The following SPDYA variants were observed in gnomAD, a reference collection of about 807,000 sequenced individuals.
The protein encoded by SPDYA is speedy/RINGO cell cycle regulator family member A, also known as speedy protein A.
A neutral mutation model predicts 36.7 loss-of-function variants in SPDYA; 11 were observed. The ratio of observed to expected loss-of-function variants is 0.30; its 90% CI spans 0.19 to 0.50. The LOEUF is 0.50. Among genes scored for constraint, SPDYA ranks in the 20% least tolerant of loss-of-function variants. The probability of loss-of-function intolerance (pLI) is 0.98; values close to 1 mark genes in which losing one functional copy is unlikely to be tolerated. For synonymous variants in SPDYA, 115 were observed against 118.7 expected, an observed-to-expected ratio of 0.97 and a Z score of 0.20; for missense variants, 287 against 370.9, an observed-to-expected ratio of 0.77 and a Z score of 1.86.
chr2:28,837,487 C>T (rs1411798177), intron 6 of SPDYA, among the ~76,000 whole-genome samples: 1 of 152,144 alleles, frequency 6.6e-6, no homozygotes, highest in Non-Finnish European at 1.5e-5. Flanking sequence ...TGGTAAAAGT[C>T]ATTACGTATA....
intron 4 of SPDYA, 22 bp downstream of exon 4, chr2:28,819,128 C>T: frequency 2.6e-6 from 4 of 1,563,922 alleles, no homozygotes; most frequent in Non-Finnish European, 3.5e-6. Flanking sequence ...AACAGTATAA[C>T]AATTAACCAG....
intron 1 of SPDYA, among the ~76,000 whole-genome samples, chr2:28,812,988 C>T (rs1168154465): frequency 6.6e-6 from 1 of 151,714 alleles, no homozygotes; most frequent in Non-Finnish European, 1.5e-5. Context: ...CGTTCCTTTC[C>T]TCTTGCTTGC....
At chr2:28,833,460 G>A (rs764936140) in intron 6 of SPDYA, among the ~76,000 whole-genome samples, 5 of 152,062 alleles carry the variant, frequency 3.3e-5, no homozygotes, top group Non-Finnish European at 5.9e-5. Flanking sequence ...TCCTAACTAC[G>A]TTCAGGATTC....
In SPDYA at chr2:28,849,819, AATTT is replaced by A. The variant is rs772404606; in HGVS notation, c.851-28_851-25del. The A allele has an allele frequency of 3.4e-5, 45 of 1,318,688 alleles. No homozygotes were observed. The South Asian group carries it at 4.0e-4, about 12-fold the overall frequency. The allele number at this position is 1,318,688 out of a possible 1,614,324, so 81.7% of individuals were successfully genotyped here. A position where few individuals can be genotyped will look rare whatever the true frequency, so the allele number is the denominator to read the frequency against. ...GTATTTAAAATGGACAGATACATAAAATTTATCTTAAAATGCATATTTTATTTCA... is the reference window on the plus strand; with the variant it reads ...GTATTTAAAATGGACAGATACATAAAATCTTAAAATGCATATTTTATTTCA... On this transcript the variant is annotated intron_variant, in intron 7 of 7. Coordinates refer to ENST00000334056, the MANE Select transcript of SPDYA (RefSeq NM_182756.4).
chr2:28,819,852 AT>A (rs36223599), intron 4 of SPDYA, among the ~76,000 whole-genome samples: 1 of 5,852 alleles, frequency 1.7e-4, no homozygotes, highest in Non-Finnish European at 2.7e-4. Flanking sequence ...AAAAAAAAAT[AT>A]ATATATATAT....
intron 6 of SPDYA, among the ~76,000 whole-genome samples, chr2:28,829,682 G>A (rs1437981595): frequency 6.6e-6 from 1 of 151,830 alleles, no homozygotes; most frequent in African/African-American, 2.4e-5. Context: ...GGTGGCTCAC[G>A]CCTGTAATGC....
At chr2:28,815,521 G>A (rs1260812684) in intron 2 of SPDYA, among the ~76,000 whole-genome samples, 1 of 151,956 alleles carries the variant, frequency 6.6e-6, no homozygotes, top group Non-Finnish European at 1.5e-5. Context: ...GGTTTTGTGG[G>A]AGGGGGGGTG....
At chr2:28,839,692 C>A (rs187079062) in intron 6 of SPDYA, among the ~76,000 whole-genome samples, 3 of 152,028 alleles carry the variant, frequency 2.0e-5, no homozygotes, top group Non-Finnish European at 4.4e-5. Flanking sequence ...TTAGTAGAGA[C>A]GGAGTTTCAC....
chr2:28,838,652 G>C lies in SPDYA; in HGVS notation c.553-1520G>C, dbSNP rs80185397. On this transcript the variant is annotated intron_variant, in intron 6 of 7. Transcript: ENST00000334056. ...TTTCCTAGGTGGGTTAGTATGTGGA[G>C]AGACTATGATGAACTTATTGCAAAA... Among the ~76,000 whole-genome samples the C allele has an allele frequency of 3.8e-3, 576 of 152,274 alleles. 3 individuals carry two copies. Among genetic ancestry groups the C allele is most frequent in the African/African-American group, 0.013 (533 of 41,550 alleles).
chr2:28,823,590 C>G (rs1317431098), intron 5 of SPDYA, among the ~76,000 whole-genome samples: 1 of 144,742 alleles, frequency 6.9e-6, no homozygotes, highest in African/African-American at 2.6e-5. Flanking sequence ...CACCACTGCA[C>G]TCCAGCCTGG....
chr2:28,826,945 CTTTCTTTTTT>C (rs1668341332), intron 5 of SPDYA, among the ~76,000 whole-genome samples: 1 of 135,502 alleles, frequency 7.4e-6, no homozygotes, highest in Non-Finnish European at 1.6e-5. Flanking sequence ...TTTTTCTTTT[CTTTCTTTTTT>C]TTTTTTTTTT....
intron 7 of SPDYA, 25 bp from the exon 8 acceptor site, chr2:28,849,825 T>C: frequency 1.5e-6 from 2 of 1,347,114 alleles, no homozygotes; most frequent in African/African-American, 1.5e-5. Flanking sequence ...ATAAAATTTA[T>C]CTTAAAATGC....
At position 28,829,952 on chromosome 2, in the gene SPDYA, AAAAAAAAG is replaced by A. The variant is rs1170871171; in HGVS notation, c.552+638_552+645del. On this transcript the variant is annotated intron_variant, in intron 6 of 7. Transcript: ENST00000334056. The stretch of plus-strand genomic sequence containing the variant: ...GAGCGAGACTCCATCTCAAAAAAAA[AAAAAAAAG>A]AAAAGAAAAGAAAAAGAAAAATACA... 5.9e-5 allele frequency among the ~76,000 whole-genome samples: 8 copies of A among 135,986 alleles called. 1 individual carries two copies. The highest frequency in any genetic ancestry group is 9.5e-5 in the Non-Finnish European group (6 of 63,452). The allele number at this position is 135,986 out of a possible 152,430, so 89.2% of individuals were successfully genotyped here. A position where few individuals can be genotyped will look rare whatever the true frequency, so the allele number is the denominator to read the frequency against.
rs555394049 is a variant in SPDYA, at chr2:28,812,470, AAAGAAAG to A, written c.-93+1526_-93+1532del. On this transcript the variant is annotated intron_variant, in intron 1 of 7. Coordinates refer to ENST00000334056, the MANE Select transcript of SPDYA (RefSeq NM_182756.4). ...TTTTGTGATTTACTTACCAAAAAAA[AAAGAAAG>A]AAAGAAAGAAAGAAAATCCCAAACA... Among the ~76,000 whole-genome samples the A allele has an allele frequency of 5.5e-3, 204 of 36,966 alleles. 1 individual carries two copies. Among genetic ancestry groups the A allele is most frequent in the Non-Finnish European group, 0.013 (160 of 12,208 alleles). The allele number at this position is 36,966 out of a possible 152,430, so 24.3% of individuals were successfully genotyped here.
At chr2:28,824,300 A>G (rs1668258783) in intron 5 of SPDYA, among the ~76,000 whole-genome samples, 1 of 151,664 alleles carries the variant, frequency 6.6e-6, no homozygotes, top group Admixed American at 6.6e-5. Flanking sequence ...CAACATAGTA[A>G]GTCTCTACAC....
intron 7 of SPDYA, chr2:28,842,028 T>C (rs1572515810): frequency 6.6e-6 from 1 of 152,200 alleles, no homozygotes; most frequent in Admixed American, 6.5e-5. Context: ...TTAGGGTGAA[T>C]ACTATACCTC....
rs115018785 is a variant in SPDYA, at chr2:28,850,554, T to C, written c.*613T>C. 2,393 of 587,020 alleles carry C rather than the reference T, an allele frequency of 4.1e-3. 13 individuals are homozygous for C. The highest frequency in any genetic ancestry group is 4.0e-3 in the Non-Finnish European group (1,325 of 332,392). 36.4% of individuals were successfully genotyped at this position (587,020 alleles called of 1,614,324 possible). A position where few individuals can be genotyped will look rare whatever the true frequency, so the allele number is the denominator to read the frequency against. Reference sequence around the variant, plus strand: ...TGTTTTAGAGCTACTCTGCCAGTTATTATACAGAAACTATTTGTCAATGAT... The same window carrying C: ...TGTTTTAGAGCTACTCTGCCAGTTACTATACAGAAACTATTTGTCAATGAT... On this transcript the variant is annotated 3_prime_UTR_variant, in exon 8 of 8. Coordinates refer to ENST00000334056, the MANE Select transcript of SPDYA (RefSeq NM_182756.4).
intron 3 of SPDYA, among the ~76,000 whole-genome samples, chr2:28,818,085 A>C (rs1668033770): frequency 6.6e-6 from 1 of 151,030 alleles, no homozygotes; most frequent in Non-Finnish European, 1.5e-5. Flanking sequence ...GAGGATCTCA[A>C]ACCCAGGAGG....
chr2:28,818,506 T>C (rs900790416), intron 3 of SPDYA, among the ~76,000 whole-genome samples: 3 of 151,888 alleles, frequency 2.0e-5, no homozygotes, highest in African/African-American at 7.2e-5. Context: ...TTTTCTAGAT[T>C]ACATTCTGAC....
Sources: allele counts gnomAD v4.1 joint callset (sites outside exome capture counted in the v4.1 genomes callset), GRCh38; gene constraint gnomAD v4.1.1; transcripts MANE v1.5; gene names NCBI Gene and HGNC (gene_info 2026-07-23, HGNC 2026-07-21).